NLE1: variants seen among roughly 807,000 people sequenced by gnomAD.
NLE1 encodes the protein notchless protein homolog 1.
Under a neutral mutation model 62.8 loss-of-function variants are expected in NLE1, and 37 were observed. That is an observed-to-expected ratio of 0.59 (90% CI 0.45 to 0.78). NLE1 has a LOEUF of 0.78. NLE1 is among the 30% of genes least tolerant of loss of function. The pLI is 0.00. For missense variants in NLE1, 555 were observed against 637.9 expected, an observed-to-expected ratio of 0.87 and a Z score of 1.40; for synonymous variants, 243 against 253.0, an observed-to-expected ratio of 0.96 and a Z score of 0.37.
At chr17:35,134,960 G>A (rs1437011011) in intron 10 of NLE1, 1 of 489,850 alleles carries the variant, frequency 2.0e-6, no homozygotes. Flanking sequence ...GCTGAGGCAG[G>A]AGAATCACTT....
intron 1 of NLE1, 40 bp from the exon 2 acceptor site, chr17:35,142,162 G>A: frequency 1.9e-6 from 3 of 1,604,576 alleles, no homozygotes; most frequent in Non-Finnish European, 1.7e-6. Flanking sequence ...CTGGTCGCCC[G>A]CCCAGAAGGG....
At chr17:35,133,312 C>T in intron 11 of NLE1, 27 bp downstream of exon 11, 1 of 1,614,178 alleles carries the variant, frequency 6.2e-7, no homozygotes, top group Non-Finnish European at 8.5e-7. Context: ...AATCCCAGTC[C>T]CTCCTTTGCC....
At chr17:35,133,055 C>A in intron 12 of NLE1, 116 bp downstream of exon 12, 1 of 1,027,442 alleles carries the variant, frequency 9.7e-7, no homozygotes, top group South Asian at 1.4e-5. Flanking sequence ...CTCCTCAAGA[C>A]AGTCTGAGCA....
In NLE1 at chr17:35,130,610, C is replaced by G. The variant is rs1425743246; in HGVS notation, c.*1827G>C. The G allele has an allele frequency of 4.7e-6, 3 of 638,566 alleles. No individual in the cohort carries two copies. Among genetic ancestry groups the G allele is most frequent in the Admixed American group, 3.1e-5 (1 of 32,710 alleles). 39.6% of individuals were successfully genotyped at this position (638,566 alleles called of 1,614,324 possible). A position where few individuals can be genotyped will look rare whatever the true frequency, so the allele number is the denominator to read the frequency against. ...AAGGCTACATAGGGGCCCCATTCAC[C>G]TGGAGGCATCTCAGGCCAGGCCATG... On this transcript the variant is annotated 3_prime_UTR_variant, in exon 13 of 13. Coordinates refer to ENST00000442241, the MANE Select transcript of NLE1 (RefSeq NM_018096.5).
intron 9 of NLE1, among the ~76,000 whole-genome samples, 156 bp from the exon 10 acceptor site, chr17:35,135,607 G>C (rs536516440): frequency 6.6e-6 from 1 of 152,130 alleles, no homozygotes; most frequent in Non-Finnish European, 1.5e-5. Context: ...CCACTCACTC[G>C]CATGTGACCC....
intron 4 of NLE1, among the ~76,000 whole-genome samples, chr17:35,138,246 C>G (rs1567746689): frequency 6.6e-6 from 1 of 152,196 alleles, no homozygotes; most frequent in East Asian, 1.9e-4. Flanking sequence ...AGAAAGGGAA[C>G]ATGCCCTACA....
chr17:35,133,059 C>A, intron 12 of NLE1, 112 bp downstream of exon 12: 5 of 1,070,636 alleles, frequency 4.7e-6, no homozygotes, highest in Non-Finnish European at 7.2e-6. Context: ...TCAAGACAGT[C>A]TGAGCACCTG....
chr17:35,132,433 C>T lies in NLE1; in HGVS notation c.*4G>A, dbSNP rs1456787484. On this transcript the variant is annotated 3_prime_UTR_variant, in exon 13 of 13. Transcript: ENST00000442241. Reference sequence around the variant, plus strand: ...GTGGGGGTCAGAGAGAACTTCGGGCCGTCTCATCTCCTCCATCTGTGGAGA... The same window carrying T: ...GTGGGGGTCAGAGAGAACTTCGGGCTGTCTCATCTCCTCCATCTGTGGAGA... 7 of 1,429,700 alleles carry T rather than the reference C, an allele frequency of 4.9e-6. No homozygotes were observed. Among genetic ancestry groups the T allele is most frequent in the East Asian group, 2.7e-5 (1 of 36,422 alleles). 88.6% of individuals were successfully genotyped at this position (1,429,700 alleles called of 1,614,324 possible).
At position 35,130,414 on chromosome 17, in the gene NLE1, G is replaced by A. The variant is rs1424935930; in HGVS notation, c.*2023C>T. On this transcript the variant is annotated 3_prime_UTR_variant, in exon 13 of 13. Coordinates refer to ENST00000442241, the MANE Select transcript of NLE1 (RefSeq NM_018096.5). ...GGAGATGCGGAGGCTGGAGGATCTG[G>A]AATACCTATTTCCCTGTTAAGGGGG... The A allele has an allele frequency of 8.1e-6, 13 of 1,614,004 alleles. No homozygotes were observed. Among genetic ancestry groups the A allele is most frequent in the Non-Finnish European group, 1.1e-5 (13 of 1,179,988 alleles).
Position 35,137,144 on chromosome 17 carries a change from G to C in NLE1, c.685C>G (p.Arg229Gly). Residue 229 changes from arginine to glycine, a missense_variant, in exon 7 of 13, where the codon CGG becomes GGG. Transcript: ENST00000442241. The part of the protein sequence containing the change: ...VASSSKDGSV[R>G]IWDTTAGRCE... Reference sequence around the variant, plus strand: ...CGGCCTGCAGTTGTGTCCCAGATCCGCACACTGCCATCCTTGGAGCTGCTG... The same window carrying C: ...CGGCCTGCAGTTGTGTCCCAGATCCCCACACTGCCATCCTTGGAGCTGCTG... 6.2e-7 allele frequency: 1 copy of C among 1,613,122 alleles called. No homozygotes were observed. The highest frequency in any genetic ancestry group is 1.1e-5 in the South Asian group (1 of 91,028).
intron 3 of NLE1, 99 bp downstream of exon 3, chr17:35,139,750 C>T (rs2091931035): frequency 6.6e-7 from 1 of 1,511,408 alleles, no homozygotes; most frequent in Non-Finnish European, 8.9e-7. Context: ...GGTAGGCAGC[C>T]CTGAGGCCCC....
At chr17:35,136,627 C>CAGAGGGGTAGTTTGA in intron 7 of NLE1, 130 bp from the exon 8 acceptor site, 1 of 1,192,604 alleles carries the variant, frequency 8.4e-7, no homozygotes, top group Non-Finnish European at 1.2e-6. Flanking sequence ...CAAACTACCC[C>CAGAGGGGTAGTTTGA]TCTGGGGTCA....
chr17:35,135,690 T>G (rs566461683), intron 9 of NLE1, among the ~76,000 whole-genome samples: 2 of 152,250 alleles, frequency 1.3e-5, no homozygotes, highest in East Asian at 3.8e-4. Context: ...AGATACATAA[T>G]TACAGAAAAA....
chr17:35,129,969 G>C lies in NLE1; in HGVS notation c.*2468C>G. 1 of 1,372,112 alleles carries C rather than the reference G, an allele frequency of 7.3e-7. No homozygotes were observed. 85.0% of individuals were successfully genotyped at this position (1,372,112 alleles called of 1,614,324 possible). Reference sequence around the variant, plus strand: ...GATTGTGAGTAGGCTGGGAAGTCAAGGGCATTGAAAGAAATAGGGAAGACA... The same window carrying C: ...GATTGTGAGTAGGCTGGGAAGTCAACGGCATTGAAAGAAATAGGGAAGACA... On this transcript the variant is annotated 3_prime_UTR_variant, in exon 13 of 13. Transcript: ENST00000442241.
At position 35,131,163 on chromosome 17, in the gene NLE1, G is replaced by C. The variant is rs532152116; in HGVS notation, c.*1274C>G. 1 of 152,312 alleles carries C rather than the reference G, an allele frequency of 6.6e-6. No individual in the cohort carries two copies. Among genetic ancestry groups the C allele is most frequent in the South Asian group, 2.1e-4 (1 of 4,814 alleles). The allele number at this position is 152,312 out of a possible 1,614,324, so 9.4% of individuals were successfully genotyped here. ...GGAGCTTGAGAACCTTCCAGGCCTG[G>C]TGCAGTCTGAGAGCACAGCAGACAA... On this transcript the variant is annotated 3_prime_UTR_variant, in exon 13 of 13. Transcript: ENST00000442241.
intron 9 of NLE1, 36 bp downstream of exon 9, chr17:35,136,133 C>G (rs2091906969): frequency 6.2e-7 from 1 of 1,611,852 alleles, no homozygotes; most frequent in Non-Finnish European, 8.5e-7. Context: ...AGGACTGGTA[C>G]AGAGCTAGGG....
intron 12 of NLE1, among the ~76,000 whole-genome samples, chr17:35,132,780 T>C (rs541655304): frequency 6.6e-6 from 1 of 152,322 alleles, no homozygotes; most frequent in South Asian, 2.1e-4. Flanking sequence ...AGAGACTGAT[T>C]AACCAAGTTC....
rs562196579 is a variant in NLE1 at position 35,133,746 on chromosome 17, C to A, written c.1215-248G>T. ...CATGCCTCTTGCTTGCCCTCCATAC[C>A]TGCACAACTTTGCATGCCTTAGACT... On this transcript the variant is annotated intron_variant, in intron 10 of 12. Coordinates refer to ENST00000442241, the MANE Select transcript of NLE1 (RefSeq NM_018096.5). Among the ~76,000 whole-genome samples, 4 of 152,240 alleles carry A rather than the reference C, an allele frequency of 2.6e-5. No homozygotes were observed. The East Asian group carries it at 7.7e-4, about 29-fold the overall frequency.
chr17:35,135,536 T>G, intron 9 of NLE1, 85 bp from the exon 10 acceptor site: 2 of 1,209,088 alleles, frequency 1.7e-6, no homozygotes. Context: ...GCATACACCC[T>G]GATTACTCAA....
Sources: allele counts gnomAD v4.1 joint callset (sites outside exome capture counted in the v4.1 genomes callset), GRCh38; gene constraint gnomAD v4.1.1; transcripts MANE v1.5; gene names NCBI Gene and HGNC (gene_info 2026-07-23, HGNC 2026-07-21).